Variants in P2RY8 observed in about 807,000 individuals in gnomAD.
The protein encoded by P2RY8 is S-geranylgeranyl-glutathione receptor P2RY8.
P2RY8 carries 6 observed loss-of-function variants against 10.0 expected under a neutral mutation model. That is an observed-to-expected ratio of 0.60 (90% CI 0.33 to 1.19). P2RY8 has a LOEUF of 1.19. Among genes scored for constraint, P2RY8 ranks in the 50% most tolerant of loss-of-function variants. The probability of loss-of-function intolerance (pLI) is 0.04; values close to 1 mark genes in which losing one functional copy is unlikely to be tolerated. For missense variants in P2RY8, 456 were observed against 542.0 expected (o/e 0.84, Z 1.58); for synonymous variants, 276 against 252.5 (o/e 1.09, Z -0.88).
intron 1 of P2RY8, among the ~76,000 whole-genome samples, chrX:1,531,638 T>C (rs1204010169): frequency 2.6e-5 from 4 of 152,118 alleles, no homozygotes; most frequent in East Asian, 1.9e-4. Context: ...GAGAGTCTCA[T>C]AGGACTCCTC....
chrX:1,479,703 G>C (rs1239603006), intron 1 of P2RY8, among the ~76,000 whole-genome samples: 2 of 152,008 alleles, frequency 1.3e-5, no homozygotes, highest in African/African-American at 4.8e-5. Context: ...CAAAACCATA[G>C]GCTTGTTCTT....
At chrX:1,491,760 C>T (rs1400640332) in intron 1 of P2RY8, among the ~76,000 whole-genome samples, 1 of 150,758 alleles carries the variant, frequency 6.6e-6, no homozygotes, top group African/African-American at 2.5e-5. Flanking sequence ...AATGCACAGC[C>T]AATGAGTGAC....
Position 1,509,796 on chromosome X carries a change from C to CCATTCTATCTATCTAT in P2RY8, c.-25+27124_-25+27125insATAGATAGATAGAATG, listed in dbSNP as rs1435428661. ...ATCTATCTATCATCTATGTATCCAT[C>CCATTCTATCTATCTAT]CTATCTATCTATCTATCTATCTATC... is the stretch of plus-strand genomic sequence containing the variant. On this transcript the variant is annotated intron_variant, in intron 1 of 1. Coordinates refer to ENST00000381297, the MANE Select transcript of P2RY8 (RefSeq NM_178129.5). Among the ~76,000 whole-genome samples, 151 of 105,098 alleles carry CCATTCTATCTATCTAT rather than the reference C, an allele frequency of 1.4e-3. 1 individual carries two copies. Among genetic ancestry groups the CCATTCTATCTATCTAT allele is most frequent in the African/African-American group, 4.8e-3 (134 of 28,106 alleles). The allele number at this position is 105,098 out of a possible 152,430, so 68.9% of individuals were successfully genotyped here.
intron 1 of P2RY8, among the ~76,000 whole-genome samples, chrX:1,505,560 C>T (rs188337553): frequency 2.9e-4 from 44 of 152,262 alleles, no homozygotes; most frequent in Non-Finnish European, 4.6e-4. Context: ...GAGGCCGAGG[C>T]GGGTCGATCA....
intron 1 of P2RY8, among the ~76,000 whole-genome samples, chrX:1,486,403 T>C (rs2091986985): frequency 2.0e-5 from 3 of 151,918 alleles, no homozygotes; most frequent in Admixed American, 6.6e-5. Flanking sequence ...AAGAAGGCTG[T>C]GACCGAGGCT....
chrX:1,524,095 A>T (rs1386326336), intron 1 of P2RY8, among the ~76,000 whole-genome samples: 2 of 152,114 alleles, frequency 1.3e-5, no homozygotes, highest in African/African-American at 4.8e-5. Context: ...GAGTGTCTAC[A>T]CGTCTCCCCG....
intron 1 of P2RY8, among the ~76,000 whole-genome samples, chrX:1,514,085 T>C (rs1428138869): frequency 6.6e-6 from 1 of 152,198 alleles, no homozygotes; most frequent in Non-Finnish European, 1.5e-5. Context: ...TAACAACTTG[T>C]GCCCGTTTTC....
At chrX:1,485,639 ATAT>A (rs1255560245) in intron 1 of P2RY8, among the ~76,000 whole-genome samples, 3 of 147,956 alleles carry the variant, frequency 2.0e-5, no homozygotes, top group Non-Finnish European at 4.5e-5. Flanking sequence ...AATATTACAT[ATAT>A]TATTTATATA....
intron 1 of P2RY8, among the ~76,000 whole-genome samples, chrX:1,486,683 C>T (rs111482039): frequency 6.6e-6 from 1 of 152,180 alleles, no homozygotes; most frequent in South Asian, 2.1e-4. Flanking sequence ...AAATGTCCCC[C>T]AGTTATTCGC....
intron 1 of P2RY8, among the ~76,000 whole-genome samples, chrX:1,503,580 G>A (rs1463632780): frequency 2.6e-5 from 4 of 151,372 alleles, no homozygotes; most frequent in Non-Finnish European, 4.4e-5. Context: ...GGCCAACGTG[G>A]TAAACCCCGT....
At chrX:1,475,116 TG>T (rs2091860936) in intron 1 of P2RY8, among the ~76,000 whole-genome samples, 2 of 39,338 alleles carry the variant, frequency 5.1e-5, no homozygotes, top group African/African-American at 1.9e-4. Flanking sequence ...AGTGGGTGGG[TG>T]GGTGGGTGGA....
chrX:1,506,854 T>A (rs1393402048), intron 1 of P2RY8, among the ~76,000 whole-genome samples: 1 of 151,822 alleles, frequency 6.6e-6, no homozygotes, highest in Non-Finnish European at 1.5e-5. Flanking sequence ...ATTTTTGTAT[T>A]TTTAGTAGAG....
At chrX:1,480,975 G>A (rs1334250649) in intron 1 of P2RY8, among the ~76,000 whole-genome samples, 2 of 151,574 alleles carry the variant, frequency 1.3e-5, no homozygotes, top group African/African-American at 4.8e-5. Flanking sequence ...ATTCACCTAC[G>A]AAAAATCACT....
intron 1 of P2RY8, among the ~76,000 whole-genome samples, chrX:1,477,494 A>G (rs2091889011): frequency 6.6e-6 from 1 of 152,208 alleles, no homozygotes; most frequent in African/African-American, 2.4e-5. Context: ...TTATCTATTA[A>G]TTACATCTAT....
intron 1 of P2RY8, 59 bp from the exon 2 acceptor site, chrX:1,466,641 C>G (rs767016460): frequency 1.3e-5 from 20 of 1,492,150 alleles, no homozygotes; most frequent in South Asian, 2.6e-5. Flanking sequence ...AGGCGGCTGC[C>G]GGGAGGGCTC....
intron 1 of P2RY8, among the ~76,000 whole-genome samples, chrX:1,486,891 G>C (rs1205837521): frequency 1.3e-5 from 2 of 152,190 alleles, no homozygotes; most frequent in Non-Finnish European, 2.9e-5. Context: ...CTTGTTGCTT[G>C]GGTCTTCCTG....
chrX:1,494,044 T>C (rs1260665550), intron 1 of P2RY8: 7 of 152,288 alleles, frequency 4.6e-5, no homozygotes, highest in Non-Finnish European at 1.0e-4. Context: ...GGGGTATTTC[T>C]GCAGAGCAGC....
At chrX:1,496,400 G>C (rs1310916209) in intron 1 of P2RY8, among the ~76,000 whole-genome samples, 1 of 152,172 alleles carries the variant, frequency 6.6e-6, no homozygotes, top group Non-Finnish European at 1.5e-5. Context: ...ACATGAGAAG[G>C]CTCACAGCCA....
chrX:1,497,716 T>C (rs1339906842), intron 1 of P2RY8, among the ~76,000 whole-genome samples: 1 of 152,092 alleles, frequency 6.6e-6, no homozygotes, highest in Non-Finnish European at 1.5e-5. Flanking sequence ...CTGTTTGTTA[T>C]TACGCCTGGC....
Sources: allele counts gnomAD v4.1 joint callset (sites outside exome capture counted in the v4.1 genomes callset), GRCh38; gene constraint gnomAD v4.1.1; transcripts MANE v1.5; gene names NCBI Gene and HGNC (gene_info 2026-07-23, HGNC 2026-07-21).